The following AGBL1 variants were observed in gnomAD, a reference collection of about 807,000 sequenced individuals.
The protein encoded by AGBL1 is AGBL carboxypeptidase 1.
Under a neutral mutation model 118.9 loss-of-function variants are expected in AGBL1, and 130 were observed. That is an observed-to-expected ratio of 1.09 (90% confidence interval 0.95 to 1.26). AGBL1 has a LOEUF of 1.26. Ranked by LOEUF, AGBL1 falls within the 50% of genes most tolerant of loss-of-function variation. The probability of loss-of-function intolerance (pLI) is 0.00; values close to 1 mark genes in which losing one functional copy is unlikely to be tolerated. For missense variants in AGBL1, 1,584 were observed against 1,298.1 expected (o/e 1.22, Z -3.38); for synonymous variants, 555 against 478.9 (o/e 1.16, Z -2.08).
intron 24 of AGBL1, among the ~76,000 whole-genome samples, chr15:87,004,536 G>A (rs1028257729): frequency 2.0e-4 from 30 of 151,986 alleles, no homozygotes; most frequent in African/African-American, 7.0e-4. Flanking sequence ...TTTTCCATTT[G>A]CTTGGTAGAT....
chr15:86,084,652 C>G (rs78801092), intron 1 of AGBL1, among the ~76,000 whole-genome samples: 2,021 of 152,260 alleles, frequency 0.013, 30 homozygotes, highest in South Asian at 0.075. Flanking sequence ...AAGGTTGGGG[C>G]AATATGAATT....
chr15:86,717,096 G>A (rs1308357410), intron 22 of AGBL1, among the ~76,000 whole-genome samples: 1 of 152,188 alleles, frequency 6.6e-6, no homozygotes, highest in Non-Finnish European at 1.5e-5. Context: ...GTTAAAGCAA[G>A]ATGGAAATAT....
chr15:86,397,553 C>A lies in AGBL1; in HGVS notation c.2555+7C>A, dbSNP rs1184274340. 2 of 1,597,438 alleles carry A rather than the reference C, an allele frequency of 1.3e-6. No homozygotes were observed. The highest frequency in any genetic ancestry group is 8.5e-7 in the Non-Finnish European group (1 of 1,170,794). On this transcript the variant is annotated splice_region_variant and intron_variant, in intron 18 of 22. Coordinates refer to ENST00000614907, the MANE Select transcript of AGBL1 (RefSeq NM_001386094.1). ...ATGGTGTCATCAACGGCAAGTATGT[C>A]AGGCACCTGGCTCAGCCAAACCCAC...
At chr15:86,481,551 G>A (rs2082651785) in intron 18 of AGBL1, among the ~76,000 whole-genome samples, 1 of 152,056 alleles carries the variant, frequency 6.6e-6, no homozygotes, top group Non-Finnish European at 1.5e-5. Context: ...CCAAATTGTG[G>A]TGCTTATGTT....
intron 5 of AGBL1, among the ~76,000 whole-genome samples, chr15:86,189,560 A>C (rs1390592741): frequency 6.6e-6 from 1 of 152,084 alleles, no homozygotes; most frequent in East Asian, 1.9e-4. Context: ...GTTGGTTCTC[A>C]TTCCATTAGT....
intron 22 of AGBL1, among the ~76,000 whole-genome samples, chr15:86,853,016 C>G (rs959341529): frequency 6.6e-6 from 1 of 152,022 alleles, no homozygotes; most frequent in Non-Finnish European, 1.5e-5. Flanking sequence ...TTCTTCAACT[C>G]TGCTGCAATT....
chr15:86,461,504 G>T (rs763443455), intron 18 of AGBL1, among the ~76,000 whole-genome samples: 1 of 152,122 alleles, frequency 6.6e-6, no homozygotes, highest in African/African-American at 2.4e-5. Context: ...ATACCATGCA[G>T]ATATGTTTTA....
intron 23 of AGBL1, among the ~76,000 whole-genome samples, chr15:86,980,207 A>G (rs2081216534): frequency 6.6e-6 from 1 of 152,220 alleles, no homozygotes; most frequent in Non-Finnish European, 1.5e-5. Context: ...GATTTTATCC[A>G]ATATTCTCTG....
At chr15:86,493,517 T>A (rs1410311366) in intron 18 of AGBL1, among the ~76,000 whole-genome samples, 1 of 152,012 alleles carries the variant, frequency 6.6e-6, no homozygotes, top group Non-Finnish European at 1.5e-5. Flanking sequence ...AAGGACAACC[T>A]TTTGTCAGGT....
chr15:86,375,435 C>G (rs1007501316), intron 17 of AGBL1, among the ~76,000 whole-genome samples: 3 of 152,058 alleles, frequency 2.0e-5, no homozygotes, highest in Non-Finnish European at 4.4e-5. Context: ...AGTCACCCCC[C>G]CACCAGGTCC....
At chr15:86,599,601 G>T (rs1210538106) in intron 21 of AGBL1, among the ~76,000 whole-genome samples, 5 of 152,118 alleles carry the variant, frequency 3.3e-5, no homozygotes, top group Admixed American at 6.6e-5. Flanking sequence ...TGGCAAATTG[G>T]TGTTTCTTTG....
intron 1 of AGBL1, among the ~76,000 whole-genome samples, chr15:86,124,984 A>C (rs922328280): frequency 1.3e-5 from 2 of 152,204 alleles, no homozygotes; most frequent in African/African-American, 4.8e-5. Context: ...AAGTTGTTCA[A>C]ATATCTCTCC....
chr15:86,127,920 G>T (rs978364371), intron 1 of AGBL1, among the ~76,000 whole-genome samples: 9 of 152,190 alleles, frequency 5.9e-5, no homozygotes, highest in Non-Finnish European at 1.3e-4. Context: ...TAACCACTTA[G>T]AGAAGCCCTG....
At chr15:86,099,295 C>G (rs1448965537) in intron 1 of AGBL1, among the ~76,000 whole-genome samples, 2 of 151,854 alleles carry the variant, frequency 1.3e-5, no homozygotes, top group South Asian at 2.1e-4. Context: ...CATTTATTCC[C>G]AAGTATTTTA....
chr15:86,359,627 G>A (rs1012809894), intron 17 of AGBL1, among the ~76,000 whole-genome samples: 1 of 151,342 alleles, frequency 6.6e-6, no homozygotes, highest in African/African-American at 2.4e-5. Flanking sequence ...TCAGATCACT[G>A]GGATAGTATG....
chr15:86,280,966 G>A (rs1357765817), intron 16 of AGBL1, among the ~76,000 whole-genome samples: 1 of 152,198 alleles, frequency 6.6e-6, no homozygotes, highest in East Asian at 1.9e-4. Context: ...TTGCAAGCTA[G>A]GCTGTAACAA....
chr15:86,212,753 G>A (rs1030391254), intron 5 of AGBL1, among the ~76,000 whole-genome samples: 5 of 152,098 alleles, frequency 3.3e-5, no homozygotes, highest in Non-Finnish European at 5.9e-5. Flanking sequence ...AGGTTCAAGC[G>A]ATTCTTCTGC....
chr15:86,779,474 GTT>G (rs2078301331), intron 22 of AGBL1, among the ~76,000 whole-genome samples: 1 of 152,194 alleles, frequency 6.6e-6, no homozygotes, highest in African/African-American at 2.4e-5. Flanking sequence ...CATTTGGATA[GTT>G]TCTAGTGGGG....
At chr15:87,018,538 AT>A (rs2081630611) in intron 24 of AGBL1, among the ~76,000 whole-genome samples, 1 of 152,218 alleles carries the variant, frequency 6.6e-6, no homozygotes, top group African/African-American at 2.4e-5. Context: ...GAGATATAAG[AT>A]CTTCTTTGGA....
Sources: gnomAD v4.1 joint callset for allele counts (sites outside exome capture counted in the v4.1 genomes callset) on GRCh38, gnomAD v4.1.1 for gene constraint, MANE v1.5 for transcripts, NCBI Gene and HGNC (gene_info 2026-07-23, HGNC 2026-07-21) for gene names.